Variants in KCNB2 observed in about 807,000 individuals in gnomAD.
KCNB2 encodes the protein delayed rectifier potassium channel protein.
KCNB2 carries 15 observed loss-of-function variants against 61.5 expected under a neutral mutation model. The observed-to-expected ratio is 0.24, with a 90% CI of 0.16 to 0.38. KCNB2 has a LOEUF of 0.38. Ranked by LOEUF, KCNB2 falls within the 10% of genes least tolerant of loss-of-function variation. The pLI is 1.00. For missense variants in KCNB2, 828 were observed against 1,125.2 expected (o/e 0.74, Z 3.78); for synonymous variants, 457 against 446.0 (o/e 1.02, Z -0.31).
chr8:72,680,165 G>A (rs1395949030), intron 2 of KCNB2, among the ~76,000 whole-genome samples: 1 of 152,078 alleles, frequency 6.6e-6, no homozygotes, highest in African/African-American at 2.4e-5. Flanking sequence ...TTCTTTTACA[G>A]GCTTTCCTGG....
chr8:72,831,608 T>A (rs1809698092), intron 2 of KCNB2, among the ~76,000 whole-genome samples: 2 of 152,250 alleles, frequency 1.3e-5, no homozygotes, highest in African/African-American at 4.8e-5. Flanking sequence ...ATCAAAAGGT[T>A]ATCAAACTAA....
chr8:72,755,934 C>T (rs924787051), intron 2 of KCNB2, among the ~76,000 whole-genome samples: 1 of 152,184 alleles, frequency 6.6e-6, no homozygotes, highest in African/African-American at 2.4e-5. Flanking sequence ...GCTGGGGAAG[C>T]TGTGTCCAGG....
intron 2 of KCNB2, among the ~76,000 whole-genome samples, chr8:72,652,038 T>C (rs935052407): frequency 1.3e-5 from 2 of 152,112 alleles, no homozygotes; most frequent in Non-Finnish European, 2.9e-5. Context: ...CTAAAGTCTA[T>C]AAATTTCATC....
At chr8:72,806,307 G>A (rs1809220346) in intron 2 of KCNB2, among the ~76,000 whole-genome samples, 1 of 148,954 alleles carries the variant, frequency 6.7e-6, no homozygotes, top group South Asian at 2.1e-4. Context: ...GCAGTGAGCT[G>A]AGATCATGCC....
At chr8:72,676,716 A>G (rs2128988651) in intron 2 of KCNB2, among the ~76,000 whole-genome samples, 1 of 152,226 alleles carries the variant, frequency 6.6e-6, no homozygotes, top group African/African-American at 2.4e-5. Flanking sequence ...GCAGAGGTTT[A>G]GGTTAGTTGG....
At chr8:72,549,191 G>T (rs1346750157) in intron 1 of KCNB2, among the ~76,000 whole-genome samples, 1 of 152,118 alleles carries the variant, frequency 6.6e-6, no homozygotes, top group African/African-American at 2.4e-5. Flanking sequence ...GGCATGGCAG[G>T]GTCCAGGCAT....
chr8:72,921,064 A>C (rs1178815774), intron 2 of KCNB2, among the ~76,000 whole-genome samples: 2 of 152,078 alleles, frequency 1.3e-5, no homozygotes, highest in African/African-American at 4.8e-5. Flanking sequence ...TATTGAGTGA[A>C]ATTATCCAAA....
chr8:72,893,615 A>G (rs186071492), intron 2 of KCNB2, among the ~76,000 whole-genome samples: 23 of 152,292 alleles, frequency 1.5e-4, no homozygotes, highest in African/African-American at 5.3e-4. Context: ...GATTAAAACA[A>G]CTCATTACTA....
intron 1 of KCNB2, among the ~76,000 whole-genome samples, chr8:72,556,822 T>C (rs1806436512): frequency 6.6e-6 from 1 of 152,164 alleles, no homozygotes; most frequent in Non-Finnish European, 1.5e-5. Flanking sequence ...GGTATCTTAG[T>C]CCTTTGGGAC....
intron 2 of KCNB2, among the ~76,000 whole-genome samples, chr8:72,778,808 G>T (rs1375031264): frequency 2.0e-5 from 2 of 100,866 alleles, no homozygotes; most frequent in Non-Finnish European, 4.2e-5. Flanking sequence ...GAAAAAGAAA[G>T]AATTCTTTCC....
intron 2 of KCNB2, among the ~76,000 whole-genome samples, chr8:72,748,131 T>C (rs934130463): frequency 2.0e-5 from 3 of 152,220 alleles, no homozygotes; most frequent in East Asian, 1.9e-4. Flanking sequence ...AAATAAGCAA[T>C]ATAATTTAAA....
chr8:72,917,704 G>A (rs1490800304), intron 2 of KCNB2, among the ~76,000 whole-genome samples: 1 of 152,158 alleles, frequency 6.6e-6, no homozygotes. Flanking sequence ...ATATTTTCCA[G>A]TAATATCAGC....
chr8:72,594,539 T>C (rs549694268), intron 2 of KCNB2, among the ~76,000 whole-genome samples: 39 of 152,346 alleles, frequency 2.6e-4, no homozygotes, highest in African/African-American at 7.7e-4. Flanking sequence ...CAGAGTACTT[T>C]ATTTTGGTAG....
chr8:72,852,356 G>C (rs755059705), intron 2 of KCNB2, among the ~76,000 whole-genome samples: 1 of 152,146 alleles, frequency 6.6e-6, no homozygotes, highest in Non-Finnish European at 1.5e-5. Context: ...ATTGTACCAT[G>C]TTTTTCATTA....
At chr8:72,614,627 A>C (rs1210366260) in intron 2 of KCNB2, among the ~76,000 whole-genome samples, 1 of 152,144 alleles carries the variant, frequency 6.6e-6, no homozygotes, top group African/African-American at 2.4e-5. Context: ...GGTGTTTATA[A>C]CGGCTCCTGC....
At chr8:72,930,441 C>G (rs1365825546) in intron 2 of KCNB2, among the ~76,000 whole-genome samples, 1 of 152,120 alleles carries the variant, frequency 6.6e-6, no homozygotes, top group Non-Finnish European at 1.5e-5. Flanking sequence ...TCCTGTTTCT[C>G]CACATCCTCT....
chr8:72,761,916 A>C (rs1184884461), intron 2 of KCNB2, among the ~76,000 whole-genome samples: 1 of 152,180 alleles, frequency 6.6e-6, no homozygotes, highest in East Asian at 1.9e-4. Context: ...TATCTTAATC[A>C]ATAGCCTATA....
At chr8:72,854,172 C>T (rs1436558266) in intron 2 of KCNB2, among the ~76,000 whole-genome samples, 1 of 152,110 alleles carries the variant, frequency 6.6e-6, no homozygotes, top group Non-Finnish European at 1.5e-5. Flanking sequence ...GTCAAGAAAG[C>T]TATTATGGCA....
rs1229551588 is a variant in KCNB2, at chr8:72,937,550, G to T, written c.2195G>T (p.Ser732Ile). 6.2e-7 allele frequency: 1 copy of T among 1,613,926 alleles called. No homozygotes were observed. Among genetic ancestry groups the T allele is most frequent in the Non-Finnish European group, 8.5e-7 (1 of 1,179,976 alleles). ...NRGSAPQTPP[S>I]TARPLPVTTA... ...GGCAGTGCACCACAGACCCCGCCCA[G>T]CACAGCCAGGCCACTGCCAGTCACC... Residue 732 changes from serine to isoleucine, a missense_variant, in exon 3 of 3, where the codon AGC becomes ATC. Transcript: ENST00000523207.
Sources: gnomAD v4.1 joint callset for allele counts (sites outside exome capture counted in the v4.1 genomes callset) on GRCh38, gnomAD v4.1.1 for gene constraint, MANE v1.5 for transcripts, NCBI Gene and HGNC (gene_info 2026-07-23, HGNC 2026-07-21) for gene names.